The following LONP1 variants were observed in gnomAD, a reference collection of about 807,000 sequenced individuals.
The protein encoded by LONP1 is lon peptidase 1, mitochondrial.
Under a neutral mutation model 98.5 loss-of-function variants are expected in LONP1, and 31 were observed. That is an observed-to-expected ratio of 0.31 (90% CI 0.24 to 0.42). The LOEUF (loss-of-function observed/expected upper bound fraction) is 0.42. Among genes scored for constraint, LONP1 ranks in the 20% least tolerant of loss-of-function variants. LONP1 has a pLI of 1.00. For missense variants in LONP1, 1,336 were observed against 1,350.6 expected, an observed-to-expected ratio of 0.99 and a Z score of 0.17; for synonymous variants, 781 against 594.7, an observed-to-expected ratio of 1.31 and a Z score of -4.56.
chr19:5,711,703 G>T, intron 4 of LONP1, 68 bp downstream of exon 4: 1 of 1,342,278 alleles, frequency 7.5e-7, no homozygotes, highest in Middle Eastern at 1.9e-4. Flanking sequence ...CGGAGAGGCC[G>T]CAGGAACGGC....
At position 5,719,768 on chromosome 19, in the gene LONP1, G is replaced by A. The variant is rs2055398677; in HGVS notation, c.365C>T (p.Pro122Leu). The change falls in exon 1 of 18, where the codon CCG becomes CTG. Residue 122 changes from proline to leucine, a missense_variant. Pro to Leu is a moderately conservative substitution (Grantham distance 98, BLOSUM62 -3). Coordinates refer to ENST00000360614, the MANE Select transcript of LONP1 (RefSeq NM_004793.4). ...LTPMTIPDVF[P>L]HLPLIAITRN... ...GGTGATGGCGATGAGCGGCAGGTGCGGAAACACATCGGGGATCGTCATGGG... is the reference window on the plus strand; with the variant it reads ...GGTGATGGCGATGAGCGGCAGGTGCAGAAACACATCGGGGATCGTCATGGG... The A allele has an allele frequency of 6.2e-7, 1 of 1,613,438 alleles. No individual in the cohort carries two copies. The highest frequency in any genetic ancestry group is 8.5e-7 in the Non-Finnish European group (1 of 1,180,018).
chr19:5,719,864 G>A lies in LONP1; in HGVS notation c.269C>T (p.Ala90Val). 5.6e-6 allele frequency: 9 copies of A among 1,597,902 alleles called. No homozygotes were observed. Among genetic ancestry groups the A allele is most frequent in the Non-Finnish European group, 7.7e-6 (9 of 1,172,926 alleles). The change falls in exon 1 of 18, where the codon GCG becomes GTG. Residue 90 changes from alanine to valine, a missense_variant. Ala to Val is a moderately conservative substitution (Grantham distance 64, BLOSUM62 0). Coordinates refer to ENST00000360614, the MANE Select transcript of LONP1 (RefSeq NM_004793.4). ...SGGEDASEGG[A>V]EEGAGGAGGS... The stretch of plus-strand genomic sequence containing the variant: ...CCCCGCGCCGCCGGCTCCTTCCTCC[G>A]CGCCGCCCTCGGAGGCGTCCTCGCC...
chr19:5,703,496 G>A (rs1411229815), intron 8 of LONP1, among the ~76,000 whole-genome samples: 1 of 152,130 alleles, frequency 6.6e-6, no homozygotes, highest in East Asian at 1.9e-4. Flanking sequence ...TATGGGCCAG[G>A]AGCAAGTCAG....
intron 8 of LONP1, among the ~76,000 whole-genome samples, chr19:5,702,364 G>GC (rs1394737424): frequency 1.4e-5 from 2 of 147,498 alleles, no homozygotes; most frequent in Admixed American, 6.7e-5. Context: ...GGGGGGGTCA[G>GC]CCCCCCGCCC....
rs574536057 is a variant in LONP1 at position 5,713,458 on chromosome 19, C to T, written c.519-205G>A. Among the ~76,000 whole-genome samples the T allele has an allele frequency of 8.3e-4, 127 of 152,284 alleles. 1 individual carries two copies. Among genetic ancestry groups the T allele is most frequent in the African/African-American group, 3.0e-3 (125 of 41,564 alleles). On this transcript the variant is annotated intron_variant, in intron 2 of 17. Coordinates refer to ENST00000360614, the MANE Select transcript of LONP1 (RefSeq NM_004793.4). ...AGGGCTGCCCCAGTGGTCACAGGAC[C>T]GGGTGGGTGGCTCCTCGCTAAGTCA...
intron 4 of LONP1, among the ~76,000 whole-genome samples, chr19:5,711,264 G>T (rs1052740762): frequency 6.6e-6 from 1 of 152,234 alleles, no homozygotes. Flanking sequence ...GGTTAGCTTC[G>T]CTGACTGTCC....
rs1599459876 is a variant in LONP1, at chr19:5,701,662, GC to G, written c.1368-736del. On this transcript the variant is annotated intron_variant, in intron 8 of 17. Transcript: ENST00000360614. ...ATGGTGCCCAGGCTGGAGTGCAGTGGCGTGATCTCGGCTCGCTACAACCTCC... is the reference window on the plus strand; with the variant it reads ...ATGGTGCCCAGGCTGGAGTGCAGTGGGTGATCTCGGCTCGCTACAACCTCC... 2.0e-5 allele frequency among the ~76,000 whole-genome samples: 3 copies of G among 152,298 alleles called. No homozygotes were observed. In the East Asian group the frequency reaches 5.8e-4, roughly 29 times the overall value.
intron 8 of LONP1, among the ~76,000 whole-genome samples, chr19:5,702,213 GC>G (rs1397991544): frequency 6.0e-5 from 9 of 149,434 alleles, no homozygotes; most frequent in Admixed American, 3.3e-4. Flanking sequence ...GTGGGGGTCA[GC>G]CCCCCGCCCG....
intron 8 of LONP1, among the ~76,000 whole-genome samples, chr19:5,701,252 T>C (rs1349046758): frequency 6.6e-6 from 1 of 152,228 alleles, no homozygotes; most frequent in African/African-American, 2.4e-5. Context: ...GAGACCATCC[T>C]GGCTAGCACG....
intron 3 of LONP1, among the ~76,000 whole-genome samples, chr19:5,712,298 A>G (rs2055251234): frequency 6.6e-6 from 1 of 152,188 alleles, no homozygotes. Flanking sequence ...GACAAGCCCC[A>G]GGGCCTCCTG....
intron 8 of LONP1, 124 bp from the exon 9 acceptor site, chr19:5,701,051 C>G: frequency 9.5e-7 from 1 of 1,056,988 alleles, no homozygotes; most frequent in Non-Finnish European, 1.4e-6. Flanking sequence ...CGGTGGCTCA[C>G]GCCTGTAATC....
intron 5 of LONP1, 62 bp downstream of exon 5, chr19:5,708,280 C>T (rs973163904): frequency 6.5e-7 from 1 of 1,528,190 alleles, no homozygotes; most frequent in Admixed American, 1.7e-5. Flanking sequence ...CCCTACCCAC[C>T]CAGCTGCAGA....
intron 9 of LONP1, 143 bp downstream of exon 9, chr19:5,700,646 C>G (rs2055023424): frequency 8.5e-7 from 1 of 1,174,600 alleles, no homozygotes; most frequent in African/African-American, 1.5e-5. Flanking sequence ...AGGATGCTAC[C>G]TCCGCCGGGA....
chr19:5,704,289 T>C (rs1324492563), intron 8 of LONP1, among the ~76,000 whole-genome samples: 1 of 152,180 alleles, frequency 6.6e-6, no homozygotes, highest in East Asian at 1.9e-4. Context: ...CAGCGGGATC[T>C]CAGGGCTCGG....
chr19:5,701,014 C>A, intron 8 of LONP1, 87 bp from the exon 9 acceptor site: 1 of 1,503,754 alleles, frequency 6.7e-7, no homozygotes, highest in Non-Finnish European at 9.2e-7. Flanking sequence ...TTGCAAGGGG[C>A]TTGAAACCCA....
At chr19:5,696,572 C>T (rs961350887) in intron 11 of LONP1, 98 bp downstream of exon 11, 15 of 1,368,834 alleles carry the variant, frequency 1.1e-5, no homozygotes, top group Middle Eastern at 1.9e-4. Context: ...GGCGATGGCC[C>T]CTGAGTTGGC....
In LONP1 at chr19:5,708,240, G is replaced by A. The variant is rs1353825146; in HGVS notation, c.932+102C>T. On this transcript the variant is annotated intron_variant, in intron 5 of 17. Transcript: ENST00000360614. The stretch of plus-strand genomic sequence containing the variant: ...CAGGCCACTCCTTGGGGCAGGCAAG[G>A]TTTCCTCCCAGGAGGACGCTGAGGA... 9.0e-6 allele frequency: 11 copies of A among 1,224,192 alleles called. No individual in the cohort carries two copies. In the East Asian group the frequency reaches 2.2e-4, roughly 25 times the overall value. The allele number at this position is 1,224,192 out of a possible 1,614,324, so 75.8% of individuals were successfully genotyped here.
At chr19:5,708,258 G>T in intron 5 of LONP1, 84 bp downstream of exon 5, 1 of 1,375,778 alleles carries the variant, frequency 7.3e-7, no homozygotes, top group Non-Finnish European at 1.0e-6. Context: ...CCAGGAGGAC[G>T]CTGAGGAAGC....
chr19:5,701,456 G>A (rs995323661), intron 8 of LONP1, among the ~76,000 whole-genome samples: 4 of 152,250 alleles, frequency 2.6e-5, no homozygotes, highest in African/African-American at 4.8e-5. Context: ...TGAGCCTGCC[G>A]AGTGCCTGCG....
Sources: gnomAD v4.1 joint callset for allele counts (sites outside exome capture counted in the v4.1 genomes callset) on GRCh38, gnomAD v4.1.1 for gene constraint, MANE v1.5 for transcripts, NCBI Gene and HGNC (gene_info 2026-07-23, HGNC 2026-07-21) for gene names.